Variants in TDRD5 observed in about 807,000 individuals in gnomAD.
The protein encoded by TDRD5 is tudor domain-containing protein 5.
A neutral mutation model predicts 120.6 loss-of-function variants in TDRD5; 41 were observed. That is an observed-to-expected ratio of 0.34 (90% confidence interval 0.26 to 0.44). TDRD5 has a LOEUF of 0.44. TDRD5 is among the 20% of genes least tolerant of loss of function. The pLI is 1.00. For missense variants in TDRD5, 1,006 were observed against 1,221.2 expected, an observed-to-expected ratio of 0.82 and a Z score of 2.63; for synonymous variants, 430 against 433.7, an observed-to-expected ratio of 0.99 and a Z score of 0.11.
intron 9 of TDRD5, among the ~76,000 whole-genome samples, chr1:179,637,138 A>C (rs1677805746): frequency 6.6e-6 from 1 of 152,166 alleles, no homozygotes; most frequent in Admixed American, 6.5e-5. Flanking sequence ...AATTTATTTC[A>C]TTTTATTTTG....
rs564408675 is a variant in TDRD5, at chr1:179,642,193, C to G, written c.1800+1748C>G. ...TCGGCTCACTCCAACCTCCACCTCC[C>G]TGGTTCAAGCAATTCTCCTGCCTCA... On this transcript the variant is annotated intron_variant, in intron 11 of 17. Coordinates refer to ENST00000444136, the MANE Select transcript of TDRD5 (RefSeq NM_001199085.3). Among the ~76,000 whole-genome samples the G allele has an allele frequency of 1.6e-3, 250 of 152,036 alleles. 1 individual carries two copies. The highest frequency in any genetic ancestry group is 5.8e-3 in the African/African-American group (242 of 41,446).
At chr1:179,597,785 A>G (rs900614527) in intron 4 of TDRD5, among the ~76,000 whole-genome samples, 1 of 152,190 alleles carries the variant, frequency 6.6e-6, no homozygotes, top group African/African-American at 2.4e-5. Context: ...GGCATGGATC[A>G]AAGTTTTCTG....
chr1:179,609,413 C>A (rs2101940532), intron 4 of TDRD5, among the ~76,000 whole-genome samples: 1 of 152,258 alleles, frequency 6.6e-6, no homozygotes, highest in Non-Finnish European at 1.5e-5. Context: ...TGACTCATCA[C>A]ATAAAGTCAG....
At chr1:179,652,232 T>A (rs757197334) in intron 13 of TDRD5, 35 bp downstream of exon 13, 1 of 1,555,196 alleles carries the variant, frequency 6.4e-7, no homozygotes, top group Admixed American at 2.1e-5. Context: ...TATAATTCTT[T>A]TTATTACTGT....
chr1:179,656,094 GT>G (rs1216304406), intron 14 of TDRD5, among the ~76,000 whole-genome samples: 55 of 152,092 alleles, frequency 3.6e-4, no homozygotes, highest in African/African-American at 1.2e-3. Flanking sequence ...CCATTTTCTT[GT>G]CAGCACTTGA....
intron 4 of TDRD5, among the ~76,000 whole-genome samples, chr1:179,607,629 A>C (rs1234929216): frequency 6.6e-6 from 1 of 151,976 alleles, no homozygotes; most frequent in Non-Finnish European, 1.5e-5. Flanking sequence ...TGCATATAAT[A>C]TTATAACATT....
chr1:179,652,898 T>C (rs913450746), intron 13 of TDRD5, among the ~76,000 whole-genome samples: 1 of 152,204 alleles, frequency 6.6e-6, no homozygotes, highest in African/African-American at 2.4e-5. Context: ...TAAAATATTA[T>C]ATAAAATTAC....
At chr1:179,624,023 G>A (rs138311334) in intron 6 of TDRD5, among the ~76,000 whole-genome samples, 6 of 152,174 alleles carry the variant, frequency 3.9e-5, no homozygotes, top group East Asian at 3.9e-4. Context: ...CATGTTTCTC[G>A]TAACGTGGAC....
intron 7 of TDRD5, 87 bp from the exon 8 acceptor site, chr1:179,634,370 T>A: frequency 7.2e-7 from 1 of 1,389,044 alleles, no homozygotes; most frequent in Non-Finnish European, 9.8e-7. Flanking sequence ...TAGTAATGGT[T>A]GTATAGCTAT....
chr1:179,690,680 A>G lies in TDRD5; in HGVS notation c.2861-16A>G. 1 of 1,609,908 alleles carries G rather than the reference A, an allele frequency of 6.2e-7. No homozygotes were observed. The highest frequency in any genetic ancestry group is 8.5e-7 in the Non-Finnish European group (1 of 1,177,674). On this transcript the variant is annotated splice_polypyrimidine_tract_variant and intron_variant, in intron 17 of 17. Transcript: ENST00000444136. Reference sequence around the variant, plus strand: ...GTACCCCTTGAAAAGATGTTTGTGTACTCTTTCTTTTCCAGTGGAAAGCTC... The same window carrying G: ...GTACCCCTTGAAAAGATGTTTGTGTGCTCTTTCTTTTCCAGTGGAAAGCTC...
At chr1:179,605,185 A>C (rs774056530) in intron 4 of TDRD5, among the ~76,000 whole-genome samples, 5 of 152,176 alleles carry the variant, frequency 3.3e-5, no homozygotes, top group Non-Finnish European at 7.3e-5. Context: ...TGATATAAGA[A>C]TACTTACCCT....
At chr1:179,683,547 TCACAA>T (rs1210632748) in intron 17 of TDRD5, among the ~76,000 whole-genome samples, 1 of 152,186 alleles carries the variant, frequency 6.6e-6, no homozygotes, top group African/African-American at 2.4e-5. Flanking sequence ...ACATAACTCA[TCACAA>T]AAGTGTAGAA....
chr1:179,643,892 C>G (rs908479498), intron 11 of TDRD5, among the ~76,000 whole-genome samples: 3 of 152,030 alleles, frequency 2.0e-5, no homozygotes, highest in Non-Finnish European at 4.4e-5. Context: ...TACCTAGGCA[C>G]ATGATAATCA....
intron 6 of TDRD5, among the ~76,000 whole-genome samples, chr1:179,625,613 G>GT (rs1211626148): frequency 1.3e-5 from 2 of 152,132 alleles, no homozygotes; most frequent in Non-Finnish European, 2.9e-5. Flanking sequence ...ACAATTTCTT[G>GT]TAAGTGTGTA....
At chr1:179,642,799 G>C (rs1444286080) in intron 11 of TDRD5, among the ~76,000 whole-genome samples, 5 of 151,940 alleles carry the variant, frequency 3.3e-5, no homozygotes, top group Non-Finnish European at 7.4e-5. Flanking sequence ...CTTTTTTTCT[G>C]ATTGCAAAAA....
At chr1:179,656,254 G>A (rs1369687520) in intron 14 of TDRD5, among the ~76,000 whole-genome samples, 2 of 152,094 alleles carry the variant, frequency 1.3e-5, no homozygotes, top group Admixed American at 1.3e-4. Flanking sequence ...TTCTGTTGAA[G>A]TCTTTTTCCC....
chr1:179,645,130 G>A (rs1250149834), intron 11 of TDRD5, among the ~76,000 whole-genome samples: 3 of 135,506 alleles, frequency 2.2e-5, no homozygotes, highest in African/African-American at 8.5e-5. Context: ...CTGTCGCCCA[G>A]GCTGGAGTGC....
intron 6 of TDRD5, among the ~76,000 whole-genome samples, chr1:179,626,122 G>T (rs1019788325): frequency 6.6e-6 from 1 of 152,078 alleles, no homozygotes; most frequent in Admixed American, 6.6e-5. Context: ...TAGATGACGA[G>T]TTAGTGGGTG....
Position 179,593,782 on chromosome 1 carries a change from C to A in TDRD5, c.555C>A (p.Val185=). Residue 185 remains valine, a synonymous_variant, in exon 3 of 18, where the codon GTC becomes GTA. Coordinates refer to ENST00000444136, the MANE Select transcript of TDRD5 (RefSeq NM_001199085.3). The part of the protein sequence containing the change: ...MFEVLNAASD[V]ISVEQTRAGS... ...AAGTGCTTAATGCGGCTTCAGATGT[C>A]ATTTCTGTAGAGCAGACCAGAGCAG... The A allele has an allele frequency of 6.2e-7, 1 of 1,614,196 alleles. No homozygotes were observed. The highest frequency in any genetic ancestry group is 1.1e-5 in the South Asian group (1 of 91,074).
Sources: gnomAD v4.1 joint callset for allele counts (sites outside exome capture counted in the v4.1 genomes callset) on GRCh38, gnomAD v4.1.1 for gene constraint, MANE v1.5 for transcripts, NCBI Gene and HGNC (gene_info 2026-07-23, HGNC 2026-07-21) for gene names.